Variants in FBRSL1 observed in about 807,000 individuals in gnomAD.
The protein encoded by FBRSL1 is fibrosin-1-like protein.
In FBRSL1, 51 loss-of-function variants were observed where a neutral mutation model predicts 89.6. The ratio of observed to expected loss-of-function variants is 0.57; its 90% CI spans 0.45 to 0.72. FBRSL1 has a LOEUF of 0.72. Ranked by LOEUF, FBRSL1 falls within the 30% of genes least tolerant of loss-of-function variation. The pLI is 0.00. For missense variants in FBRSL1, 1,618 were observed against 1,451.8 expected (o/e 1.11, Z -1.86); for synonymous variants, 779 against 681.1 (o/e 1.14, Z -2.24).
chr12:132,536,669 T>G (rs553390609), intron 4 of FBRSL1, among the ~76,000 whole-genome samples: 1 of 151,536 alleles, frequency 6.6e-6, no homozygotes, highest in Non-Finnish European at 1.5e-5. Context: ...TCATGCCATG[T>G]GTACATGACG....
chr12:132,514,447 G>A (rs1484018536), intron 2 of FBRSL1, among the ~76,000 whole-genome samples: 3 of 152,222 alleles, frequency 2.0e-5, no homozygotes, highest in Admixed American at 6.5e-5. Flanking sequence ...TGACCAGGCC[G>A]AGGCCACCGG....
chr12:132,530,263 G>A, intron 4 of FBRSL1, among the ~76,000 whole-genome samples: 1 of 152,220 alleles, frequency 6.6e-6, no homozygotes, highest in East Asian at 1.9e-4. Flanking sequence ...ATGGGCTAAG[G>A]CCACCTGGCT....
rs1335071312 is a variant in FBRSL1, at chr12:132,528,083, A to G, written c.615+95A>G. 28 of 1,139,776 alleles carry G rather than the reference A, an allele frequency of 2.5e-5. No homozygotes were observed. The East Asian group carries it at 6.4e-4, about 26-fold the overall frequency. 70.6% of individuals were successfully genotyped at this position (1,139,776 alleles called of 1,614,324 possible). ...TGTCCGAGGCCCCACAACTTAGCTCACCCCAGTCCCGTGCCCGCTTTCCCT... is the reference window on the plus strand; with the variant it reads ...TGTCCGAGGCCCCACAACTTAGCTCGCCCCAGTCCCGTGCCCGCTTTCCCT... On this transcript the variant is annotated intron_variant, in intron 4 of 18. Coordinates refer to ENST00000680143, the MANE Select transcript of FBRSL1 (RefSeq NM_001367871.1).
intron 2 of FBRSL1, among the ~76,000 whole-genome samples, chr12:132,512,812 C>A (rs951759803): frequency 1.3e-5 from 2 of 152,226 alleles, no homozygotes; most frequent in African/African-American, 4.8e-5. Context: ...GAAACTGCAG[C>A]CTGGGTCCCT....
chr12:132,548,103 G>C, intron 5 of FBRSL1, 71 bp downstream of exon 5: 1 of 1,518,024 alleles, frequency 6.6e-7, no homozygotes, highest in South Asian at 1.2e-5. Flanking sequence ...GGCCCTGTGA[G>C]GTGGGCCCTG....
chr12:132,581,723 C>T lies in FBRSL1; in HGVS notation c.1913-18C>T. On this transcript the variant is annotated intron_variant, in intron 16 of 18. Transcript: ENST00000680143. ...CCCACGCCTCACAGACCTCTGGGTC[C>T]CGCGGTTGCCCCCACAGACCCTTTC... The T allele has an allele frequency of 6.5e-7, 1 of 1,549,778 alleles. No individual in the cohort carries two copies. The highest frequency in any genetic ancestry group is 8.7e-7 in the Non-Finnish European group (1 of 1,146,478).
intron 5 of FBRSL1, among the ~76,000 whole-genome samples, chr12:132,549,359 C>T (rs913907524): frequency 3.3e-5 from 5 of 152,162 alleles, no homozygotes; most frequent in African/African-American, 7.2e-5. Context: ...TGGCCTCACC[C>T]GGGACCCCGC....
intron 5 of FBRSL1, chr12:132,566,511 A>G (rs1009028744): frequency 1.8e-5 from 1 of 55,888 alleles, no homozygotes; most frequent in Non-Finnish European, 3.1e-5. Flanking sequence ...CCCCCAGAGC[A>G]TGGGGCCCTC....
chr12:132,515,111 C>T (rs2034717208), intron 2 of FBRSL1, among the ~76,000 whole-genome samples: 1 of 152,194 alleles, frequency 6.6e-6, no homozygotes, highest in South Asian at 2.1e-4. Context: ...CGCCTGCTGT[C>T]TGTCTCCTCA....
At chr12:132,578,171 A>T (rs999462966) in intron 15 of FBRSL1, among the ~76,000 whole-genome samples, 2 of 152,188 alleles carry the variant, frequency 1.3e-5, no homozygotes, top group African/African-American at 4.8e-5. Flanking sequence ...TCCACTAGAG[A>T]AAAGAAAACC....
intron 18 of FBRSL1, 102 bp from the exon 19 acceptor site, chr12:132,582,869 C>A: frequency 9.9e-7 from 1 of 1,010,240 alleles, no homozygotes; most frequent in Non-Finnish European, 1.3e-6. Flanking sequence ...CACCGGCCAC[C>A]CAGAAACTGG....
chr12:132,548,144 G>GA, intron 5 of FBRSL1, 112 bp downstream of exon 5: 6 of 1,332,536 alleles, frequency 4.5e-6, no homozygotes, highest in South Asian at 2.6e-5. Flanking sequence ...GCCTTGGGGG[G>GA]ATCCCCCCGC....
At chr12:132,525,673 G>T (rs1391708675) in intron 2 of FBRSL1, 61 bp from the exon 3 acceptor site, 5 of 1,403,588 alleles carry the variant, frequency 3.6e-6, no homozygotes, top group East Asian at 5.1e-5. Context: ...TAGCCAGGGG[G>T]CCCCGATGCG....
At position 132,570,397 on chromosome 12, in the gene FBRSL1, G is replaced by A. The variant is rs1187195207; in HGVS notation, c.1070G>A (p.Gly357Asp). 7.2e-6 allele frequency: 11 copies of A among 1,534,414 alleles called. No homozygotes were observed. Among genetic ancestry groups the A allele is most frequent in the Non-Finnish European group, 8.7e-6 (10 of 1,145,660 alleles). The change falls in exon 8 of 19, where the codon GGC (glycine) becomes GAC (aspartate). Residue 357 changes from glycine (G) to aspartate (D), a missense_variant. Transcript: ENST00000680143. ...KHVSLSPHGP[G>D]PHLSTSHLAL... ...GTGTCGCTGTCGCCACACGGGCCGGGCCCCCACCTGTCTACCTCACACCTG... is the reference window on the plus strand; with the variant it reads ...GTGTCGCTGTCGCCACACGGGCCGGACCCCCACCTGTCTACCTCACACCTG...
chr12:132,526,884 T>A (rs1429686345), intron 3 of FBRSL1, among the ~76,000 whole-genome samples: 1 of 152,052 alleles, frequency 6.6e-6, no homozygotes, highest in Non-Finnish European at 1.5e-5. Flanking sequence ...GAGGCCCTGG[T>A]GGTCTGAGTG....
chr12:132,510,469 T>C, intron 2 of FBRSL1: 1 of 1,231,960 alleles, frequency 8.1e-7, no homozygotes, highest in Non-Finnish European at 1.0e-6. Flanking sequence ...CCTCCCCATA[T>C]GGGTTTTCCA....
In FBRSL1 at chr12:132,547,969, G is replaced by T. The variant is rs766781021; in HGVS notation, c.616-34G>T. 3.4e-5 allele frequency: 53 copies of T among 1,549,258 alleles called. No individual in the cohort carries two copies. The Admixed American group carries it at 1.0e-3, about 29-fold the overall frequency. On this transcript the variant is annotated intron_variant, in intron 4 of 18. Coordinates refer to ENST00000680143, the MANE Select transcript of FBRSL1 (RefSeq NM_001367871.1). ...CCGGGGGGTGACACTGGTTGGTGGG[G>T]CCCCGACTCACTTCTGTCTCTCTGT... is the stretch of plus-strand genomic sequence containing the variant.
At chr12:132,493,702 C>T (rs1365105664) in intron 1 of FBRSL1, among the ~76,000 whole-genome samples, 1 of 152,176 alleles carries the variant, frequency 6.6e-6, no homozygotes. Context: ...CGGGGCAGGC[C>T]CCCGCCCCCT....
At chr12:132,563,723 G>A (rs1356839743) in intron 5 of FBRSL1, among the ~76,000 whole-genome samples, 5 of 135,378 alleles carry the variant, frequency 3.7e-5, no homozygotes, top group Admixed American at 2.9e-4. Context: ...CACCCCCGTC[G>A]CCCCTGAACC....
Sources: allele counts gnomAD v4.1 joint callset (sites outside exome capture counted in the v4.1 genomes callset), GRCh38; gene constraint gnomAD v4.1.1; transcripts MANE v1.5; gene names NCBI Gene and HGNC (gene_info 2026-07-23, HGNC 2026-07-21).